Variants in PRKCA observed in about 807,000 individuals in gnomAD.
PRKCA encodes protein kinase C alpha, also known as protein kinase C alpha type.
PRKCA carries 27 observed loss-of-function variants against 87.0 expected under a neutral mutation model. The observed-to-expected ratio is 0.31, with a 90% CI of 0.23 to 0.43. The LOEUF is 0.43. Ranked by LOEUF, PRKCA falls within the 20% of genes least tolerant of loss-of-function variation. The probability of loss-of-function intolerance (pLI) is 1.00; values close to 1 mark genes in which losing one functional copy is unlikely to be tolerated. For synonymous variants in PRKCA, 329 were observed against 311.1 expected (o/e 1.06, Z -0.61); for missense variants, 518 against 852.3 (o/e 0.61, Z 4.88).
At chr17:66,455,063 C>T (rs1433470421) in intron 2 of PRKCA, among the ~76,000 whole-genome samples, 2 of 152,082 alleles carry the variant, frequency 1.3e-5, no homozygotes, top group South Asian at 2.1e-4. Flanking sequence ...GAACTGTGGT[C>T]GACGCAGCTA....
intron 3 of PRKCA, among the ~76,000 whole-genome samples, chr17:66,550,541 C>T (rs1209413910): frequency 1.3e-5 from 2 of 151,928 alleles, no homozygotes; most frequent in Non-Finnish European, 2.9e-5. Flanking sequence ...CTCAGCTACT[C>T]GGGAGGCTGA....
At chr17:66,790,705 C>T (rs1362729297) in intron 16 of PRKCA, among the ~76,000 whole-genome samples, 1 of 152,140 alleles carries the variant, frequency 6.6e-6, no homozygotes, top group African/African-American at 2.4e-5. Flanking sequence ...TTCCAGAAAG[C>T]GATGAGTTGC....
intron 2 of PRKCA, among the ~76,000 whole-genome samples, chr17:66,321,562 T>C (rs1228727645): frequency 6.6e-6 from 1 of 152,210 alleles, no homozygotes; most frequent in Non-Finnish European, 1.5e-5. Context: ...AAAAATTTTT[T>C]TTAGACAGCC....
At chr17:66,614,335 G>A (rs575416832) in intron 3 of PRKCA, among the ~76,000 whole-genome samples, 9 of 152,140 alleles carry the variant, frequency 5.9e-5, no homozygotes, top group Non-Finnish European at 1.3e-4. Context: ...ATTTCCGGAA[G>A]GACTCTAAAA....
Position 66,380,206 on chromosome 17 carries a change from A to AG in PRKCA, c.205+74082dup, listed in dbSNP as rs1909701594. Among the ~76,000 whole-genome samples the AG allele has an allele frequency of 2.0e-5, 3 of 151,640 alleles. 1 individual carries two copies. The South Asian group carries it at 6.2e-4, about 31-fold the overall frequency. The stretch of plus-strand genomic sequence containing the variant: ...AAAGCATTCATGTGGGCTGCTTCAT[A>AG]GGGTTTTTTTTTTTTTAAGTGTTGT... On this transcript the variant is annotated intron_variant, in intron 2 of 16. Coordinates refer to ENST00000413366, the MANE Select transcript of PRKCA (RefSeq NM_002737.3).
At chr17:66,612,744 CT>C (rs1970404362) in intron 3 of PRKCA, among the ~76,000 whole-genome samples, 1 of 143,598 alleles carries the variant, frequency 7.0e-6, no homozygotes, top group Admixed American at 6.9e-5. Context: ...TTTTTTTTGT[CT>C]TTAGCTAAGT....
chr17:66,452,338 G>A (rs1206324815), intron 2 of PRKCA, among the ~76,000 whole-genome samples: 1 of 152,214 alleles, frequency 6.6e-6, no homozygotes, highest in Non-Finnish European at 1.5e-5. Context: ...GTGCAGCACA[G>A]GTGCTTCCAG....
chr17:66,423,098 C>T (rs902859817), intron 2 of PRKCA, among the ~76,000 whole-genome samples: 2 of 150,938 alleles, frequency 1.3e-5, no homozygotes, highest in Non-Finnish European at 3.0e-5. Flanking sequence ...GTGATAAAAG[C>T]GAGACCTTGT....
At chr17:66,515,626 T>C (rs1368019508) in intron 3 of PRKCA, among the ~76,000 whole-genome samples, 1 of 152,126 alleles carries the variant, frequency 6.6e-6, no homozygotes, top group East Asian at 1.9e-4. Flanking sequence ...CACTGCGGCC[T>C]CAATTCTCTG....
intron 5 of PRKCA, among the ~76,000 whole-genome samples, chr17:66,678,190 A>G (rs909274915): frequency 3.3e-5 from 5 of 152,208 alleles, no homozygotes; most frequent in Non-Finnish European, 7.3e-5. Flanking sequence ...ACAGGCACAG[A>G]GAAGAAGGTG....
At chr17:66,620,049 G>T (rs865937700) in intron 3 of PRKCA, among the ~76,000 whole-genome samples, 1 of 152,232 alleles carries the variant, frequency 6.6e-6, no homozygotes, top group Middle Eastern at 3.4e-3. Flanking sequence ...TGGGGTCATT[G>T]GTAACATAGA....
chr17:66,444,532 A>T (rs762016645), intron 2 of PRKCA, among the ~76,000 whole-genome samples: 1 of 152,170 alleles, frequency 6.6e-6, no homozygotes, highest in Non-Finnish European at 1.5e-5. Flanking sequence ...CAGGACTCAG[A>T]GCCCTCCTTC....
intron 5 of PRKCA, among the ~76,000 whole-genome samples, chr17:66,680,957 A>T (rs923933513): frequency 1.3e-5 from 2 of 152,162 alleles, no homozygotes; most frequent in African/African-American, 4.8e-5. Context: ...GACTGGGTGC[A>T]GTGGCTCAGG....
At chr17:66,335,486 A>T (rs1208493846) in intron 2 of PRKCA, among the ~76,000 whole-genome samples, 2 of 151,702 alleles carry the variant, frequency 1.3e-5, no homozygotes, top group African/African-American at 2.4e-5. Context: ...CATTCTGCGG[A>T]TGGATGATGA....
chr17:66,748,993 G>A (rs1974365302), intron 13 of PRKCA, among the ~76,000 whole-genome samples: 1 of 151,566 alleles, frequency 6.6e-6, no homozygotes, highest in South Asian at 2.1e-4. Context: ...TTCAGAGGGT[G>A]ACACCAGGAC....
intron 16 of PRKCA, among the ~76,000 whole-genome samples, chr17:66,793,545 GC>G: frequency 7.6e-6 from 1 of 131,938 alleles, no homozygotes; most frequent in African/African-American, 3.1e-5. Context: ...AGCCCAGATT[GC>G]GTCATTGCAC....
chr17:66,367,090 C>T (rs761568521), intron 2 of PRKCA, among the ~76,000 whole-genome samples: 3 of 152,170 alleles, frequency 2.0e-5, no homozygotes, highest in Non-Finnish European at 2.9e-5. Context: ...TTGCTTTCAG[C>T]GTGCCAAAAG....
chr17:66,440,619 G>A (rs1376552523), intron 2 of PRKCA, among the ~76,000 whole-genome samples: 1 of 152,128 alleles, frequency 6.6e-6, no homozygotes, highest in African/African-American at 2.4e-5. Context: ...TACAACCGGG[G>A]TGTTACCTAG....
chr17:66,576,682 T>C (rs1229122516), intron 3 of PRKCA, among the ~76,000 whole-genome samples: 3 of 152,108 alleles, frequency 2.0e-5, no homozygotes, highest in African/African-American at 7.2e-5. Context: ...TAGTCATATA[T>C]AAATTAGTGG....
Sources: allele counts gnomAD v4.1 joint callset (sites outside exome capture counted in the v4.1 genomes callset), GRCh38; gene constraint gnomAD v4.1.1; transcripts MANE v1.5; gene names NCBI Gene and HGNC (gene_info 2026-07-23, HGNC 2026-07-21).